PTPRG: variants seen among roughly 807,000 people sequenced by gnomAD.
PTPRG encodes protein tyrosine phosphatase receptor type G.
PTPRG carries 102 observed loss-of-function variants against 165.3 expected under a neutral mutation model. The ratio of observed to expected loss-of-function variants is 0.62; its 90% confidence interval spans 0.53 to 0.73. The LOEUF (loss-of-function observed/expected upper bound fraction) is 0.73, where lower values mean the gene tolerates loss of function less well. PTPRG is among the 30% of genes least tolerant of loss of function. The probability of loss-of-function intolerance (pLI) is 0.00; values close to 1 mark genes in which losing one functional copy is unlikely to be tolerated. For synonymous variants in PTPRG, 675 were observed against 669.5 expected (o/e 1.01, Z -0.13); for missense variants, 1,866 against 1,861.4 (o/e 1.00, Z -0.05).
chr3:62,132,363 A>C (rs983789072), intron 5 of PTPRG, among the ~76,000 whole-genome samples: 1 of 152,204 alleles, frequency 6.6e-6, no homozygotes, highest in African/African-American at 2.4e-5. Flanking sequence ...CTAGGACTAT[A>C]GTATTTCTCT....
At chr3:62,106,508 T>G (rs1448798243) in intron 5 of PTPRG, among the ~76,000 whole-genome samples, 1 of 150,568 alleles carries the variant, frequency 6.6e-6, no homozygotes, top group African/African-American at 2.4e-5. Context: ...AAAGGCTTTT[T>G]TTTTTTTTTT....
chr3:61,829,921 G>A (rs1375902164), intron 2 of PTPRG, among the ~76,000 whole-genome samples: 1 of 152,182 alleles, frequency 6.6e-6, no homozygotes, highest in Non-Finnish European at 1.5e-5. Flanking sequence ...TTGATTTAGT[G>A]TGGAACTAAA....
intron 5 of PTPRG, among the ~76,000 whole-genome samples, chr3:62,122,133 AC>A (rs1355764487): frequency 6.6e-6 from 1 of 152,054 alleles, no homozygotes; most frequent in Non-Finnish European, 1.5e-5. Flanking sequence ...GCTATCTGTA[AC>A]CCCCCACCCT....
At chr3:61,896,394 GTT>G (rs1170664893) in intron 2 of PTPRG, among the ~76,000 whole-genome samples, 1 of 152,138 alleles carries the variant, frequency 6.6e-6, no homozygotes, top group African/African-American at 2.4e-5. Flanking sequence ...TGTTTGTTCT[GTT>G]TTATTGTTGA....
At chr3:61,661,778 C>T (rs7627876) in intron 1 of PTPRG, among the ~76,000 whole-genome samples, 146,924 of 152,256 alleles carry the variant, frequency 0.96, 71,046 homozygotes, top group Non-Finnish European at 1. Flanking sequence ...ACACATAAAA[C>T]ACCAGCACCT....
intron 7 of PTPRG, among the ~76,000 whole-genome samples, chr3:62,165,965 T>C (rs1390305339): frequency 6.6e-6 from 1 of 152,084 alleles, no homozygotes; most frequent in Non-Finnish European, 1.5e-5. Flanking sequence ...ATTTCCCTTT[T>C]TTATTTTCCA....
At chr3:62,037,043 A>G (rs1312381243) in intron 4 of PTPRG, among the ~76,000 whole-genome samples, 1 of 152,124 alleles carries the variant, frequency 6.6e-6, no homozygotes, top group Non-Finnish European at 1.5e-5. Context: ...ACTAATAGTA[A>G]TTATTTAATG....
chr3:62,156,920 C>T, intron 6 of PTPRG, 147 bp from the exon 7 acceptor site: 1 of 727,546 alleles, frequency 1.4e-6, no homozygotes, highest in Non-Finnish European at 2.4e-6. Context: ...GAGGCTCTCC[C>T]ACCACCAAAT....
At chr3:61,976,182 A>G (rs556062201) in intron 2 of PTPRG, among the ~76,000 whole-genome samples, 7 of 152,340 alleles carry the variant, frequency 4.6e-5, no homozygotes, top group African/African-American at 1.7e-4. Flanking sequence ...TGGAGAAATG[A>G]GGATTCATAA....
intron 1 of PTPRG, among the ~76,000 whole-genome samples, chr3:61,624,541 G>A (rs60473152): frequency 0.03 from 4,519 of 152,268 alleles, 224 homozygotes; most frequent in African/African-American, 0.1. Flanking sequence ...CAAGGGCATC[G>A]CAAAGACATG....
chr3:61,942,769 ATTGC>A (rs2039665382), intron 2 of PTPRG, among the ~76,000 whole-genome samples: 1 of 152,254 alleles, frequency 6.6e-6, no homozygotes. Context: ...TCTCAAAAGT[ATTGC>A]TTCTCTATTA....
chr3:62,060,142 G>A (rs138146006), intron 4 of PTPRG, among the ~76,000 whole-genome samples: 132 of 151,372 alleles, frequency 8.7e-4, no homozygotes, highest in Non-Finnish European at 9.4e-4. Context: ...AGCCCAGGAG[G>A]TCGAGGCTGC....
At chr3:62,280,830 G>T (rs1408319753) in intron 26 of PTPRG, among the ~76,000 whole-genome samples, 1 of 151,926 alleles carries the variant, frequency 6.6e-6, no homozygotes, top group Non-Finnish European at 1.5e-5. Flanking sequence ...ACAGATAAAT[G>T]GATAAAGAAA....
In PTPRG at chr3:61,896,733, A is replaced by G. The variant is rs529559803; in HGVS notation, c.191-92892A>G. On this transcript the variant is annotated intron_variant, in intron 2 of 29. Transcript: ENST00000474889. ...CAATTTGATATTGATATTGATACTG[A>G]TTTTTAATTTTTTACTTTAGCCTTT... 4.8e-4 allele frequency among the ~76,000 whole-genome samples: 73 copies of G among 152,212 alleles called. No homozygotes were observed. In the South Asian group the frequency reaches 0.014, roughly 30 times the overall value.
chr3:61,766,072 C>T (rs917571950), intron 2 of PTPRG, among the ~76,000 whole-genome samples: 1 of 152,176 alleles, frequency 6.6e-6, no homozygotes, highest in African/African-American at 2.4e-5. Flanking sequence ...TATCTCAATA[C>T]TCCTATTGCA....
At chr3:61,880,522 G>A (rs955347156) in intron 2 of PTPRG, among the ~76,000 whole-genome samples, 3 of 151,432 alleles carry the variant, frequency 2.0e-5, no homozygotes, top group African/African-American at 2.4e-5. Flanking sequence ...TGTTGGGGGC[G>A]CTGAGGAAGG....
chr3:62,164,428 G>A (rs1178212956), intron 7 of PTPRG, among the ~76,000 whole-genome samples: 3 of 152,138 alleles, frequency 2.0e-5, no homozygotes, highest in Non-Finnish European at 4.4e-5. Flanking sequence ...GGCCACTGGC[G>A]ATTTTCATTT....
At chr3:61,995,485 A>AC (rs1305689725) in intron 3 of PTPRG, among the ~76,000 whole-genome samples, 1 of 152,148 alleles carries the variant, frequency 6.6e-6, no homozygotes, top group Non-Finnish European at 1.5e-5. Context: ...ATGTGATCCA[A>AC]CAGTGGCATG....
At chr3:62,087,600 G>A (rs2106785149) in intron 5 of PTPRG, among the ~76,000 whole-genome samples, 1 of 152,282 alleles carries the variant, frequency 6.6e-6, no homozygotes, top group Non-Finnish European at 1.5e-5. Context: ...GCTGAGACAT[G>A]GAGCTTTTTT....
Sources: gnomAD v4.1 joint callset for allele counts (sites outside exome capture counted in the v4.1 genomes callset) on GRCh38, gnomAD v4.1.1 for gene constraint, MANE v1.5 for transcripts, NCBI Gene and HGNC (gene_info 2026-07-23, HGNC 2026-07-21) for gene names.